RERE: variants seen among roughly 807,000 people sequenced by gnomAD.
RERE encodes the protein arginine-glutamic acid dipeptide repeats.
Under a neutral mutation model 146.1 loss-of-function variants are expected in RERE, and 40 were observed. The observed-to-expected ratio is 0.27, with a 90% CI of 0.21 to 0.36. RERE has a LOEUF of 0.36. Ranked by LOEUF, RERE falls within the 10% of genes least tolerant of loss-of-function variation. The pLI, the probability that RERE is intolerant of heterozygous loss-of-function variation, is 1.00. For synonymous variants in RERE, 1,003 were observed against 866.0 expected (o/e 1.16, Z -2.78); for missense variants, 1,933 against 2,138.7 (o/e 0.90, Z 1.90).
chr1:8,746,362 C>T (rs1038062794), intron 1 of RERE, among the ~76,000 whole-genome samples: 1 of 151,958 alleles, frequency 6.6e-6, no homozygotes, highest in African/African-American at 2.4e-5. Flanking sequence ...GGTTGCTCAC[C>T]ATACTAAATC....
intron 1 of RERE, among the ~76,000 whole-genome samples, chr1:8,659,233 T>C (rs1638399773): frequency 6.6e-6 from 1 of 152,218 alleles, no homozygotes; most frequent in Non-Finnish European, 1.5e-5. Context: ...GTCTTAAGTT[T>C]AGAGCATGAA....
At chr1:8,784,415 C>G (rs930183536) in intron 1 of RERE, among the ~76,000 whole-genome samples, 1 of 152,144 alleles carries the variant, frequency 6.6e-6, no homozygotes, top group Non-Finnish European at 1.5e-5. Context: ...CCATTGGATT[C>G]CATAGAATAT....
At position 8,467,707 on chromosome 1, in the gene RERE, C is replaced by T. The variant is rs187849307; in HGVS notation, c.1105-1684G>A. Among the ~76,000 whole-genome samples the T allele has an allele frequency of 7.7e-3, 1,167 of 152,056 alleles. 61 individuals are homozygous for T. The highest frequency in any genetic ancestry group is 0.07 in the Admixed American group (1,068 of 15,276). The stretch of plus-strand genomic sequence containing the variant: ...TTGCCCAGGCTGGAGTGCAGTGGCG[C>T]GATCACGGCTCACTGCAAACTCTGC... On this transcript the variant is annotated intron_variant, in intron 10 of 22. Coordinates refer to ENST00000400908, the MANE Select transcript of RERE (RefSeq NM_001042681.2).
chr1:8,416,342 T>G (rs529205675), intron 12 of RERE, among the ~76,000 whole-genome samples: 3 of 152,070 alleles, frequency 2.0e-5, no homozygotes, highest in Non-Finnish European at 4.4e-5. Context: ...TCCCAGCACT[T>G]TGGGAGGCCA....
At chr1:8,589,969 C>A (rs1239623934) in intron 4 of RERE, among the ~76,000 whole-genome samples, 1 of 152,168 alleles carries the variant, frequency 6.6e-6, no homozygotes, top group Non-Finnish European at 1.5e-5. Context: ...TGTGGTACAG[C>A]CCTCTGTGTG....
chr1:8,749,652 T>A (rs1333572837), intron 1 of RERE, among the ~76,000 whole-genome samples: 1 of 152,184 alleles, frequency 6.6e-6, no homozygotes, highest in African/African-American at 2.4e-5. Flanking sequence ...AGGAGGCCAT[T>A]GTGACTGATG....
At chr1:8,741,480 GA>G (rs1313453349) in intron 1 of RERE, among the ~76,000 whole-genome samples, 2 of 152,202 alleles carry the variant, frequency 1.3e-5, no homozygotes, top group Admixed American at 6.5e-5. Flanking sequence ...AGACCAGGTG[GA>G]GGTAACTGAA....
At chr1:8,490,281 T>C (rs1364178811) in intron 10 of RERE, among the ~76,000 whole-genome samples, 1 of 138,146 alleles carries the variant, frequency 7.2e-6, no homozygotes, top group Non-Finnish European at 1.5e-5. Context: ...TGCTTAAACC[T>C]GGGAGGAGGA....
At chr1:8,597,498 AG>A (rs1190001751) in intron 4 of RERE, among the ~76,000 whole-genome samples, 8 of 152,334 alleles carry the variant, frequency 5.3e-5, no homozygotes, top group Admixed American at 3.3e-4. Context: ...GCCAATGAGA[AG>A]GAAAAAATAT....
At chr1:8,745,110 C>A (rs1159089793) in intron 1 of RERE, among the ~76,000 whole-genome samples, 2 of 152,178 alleles carry the variant, frequency 1.3e-5, no homozygotes, top group African/African-American at 4.8e-5. Context: ...TTGTAATCCT[C>A]ATAATCCCCA....
At chr1:8,673,991 C>T (rs1182095394) in intron 1 of RERE, among the ~76,000 whole-genome samples, 2 of 152,080 alleles carry the variant, frequency 1.3e-5, no homozygotes, top group African/African-American at 4.8e-5. Flanking sequence ...CATAATTGCA[C>T]CACTGCACTC....
intron 11 of RERE, among the ~76,000 whole-genome samples, chr1:8,433,553 C>CT (rs35096712): frequency 0.041 from 5,293 of 130,166 alleles, 313 homozygotes; most frequent in African/African-American, 0.11. Context: ...CCATTCATTT[C>CT]TTTTTTTTTT....
rs549086430 is a variant in RERE at position 8,387,211 on chromosome 1, A to G, written c.1285-21237T>C. Among the ~76,000 whole-genome samples the G allele has an allele frequency of 2.0e-5, 3 of 152,360 alleles. No individual in the cohort carries two copies. The East Asian group carries it at 5.8e-4, about 29-fold the overall frequency. ...CACTTTGACATAGCTGGCAACACAA[A>G]TCAGTGGAGAAAAGGCTGGACTTCT... On this transcript the variant is annotated intron_variant, in intron 12 of 22. Transcript: ENST00000400908.
intron 12 of RERE, among the ~76,000 whole-genome samples, chr1:8,404,698 G>A (rs991201116): frequency 3.3e-5 from 5 of 152,180 alleles, no homozygotes; most frequent in African/African-American, 1.2e-4. Context: ...GAGTCCTTGG[G>A]CAATCAAAAA....
intron 12 of RERE, among the ~76,000 whole-genome samples, chr1:8,376,071 T>C (rs17380831): frequency 0.032 from 4,913 of 152,316 alleles, 110 homozygotes; most frequent in African/African-American, 0.051. Context: ...TCAGTTTCAA[T>C]GAAGTCTAAC....
At chr1:8,708,157 C>T (rs1394678990) in intron 1 of RERE, among the ~76,000 whole-genome samples, 1 of 151,998 alleles carries the variant, frequency 6.6e-6, no homozygotes, top group Non-Finnish European at 1.5e-5. Flanking sequence ...GCTCTTTGTC[C>T]GCATCCAAAT....
intron 7 of RERE, among the ~76,000 whole-genome samples, chr1:8,512,338 A>T (rs1205063359): frequency 6.6e-6 from 1 of 151,346 alleles, no homozygotes; most frequent in Non-Finnish European, 1.5e-5. Flanking sequence ...CGGCCAGGAA[A>T]CACTCTTAAT....
At chr1:8,531,418 G>A (rs1010970659) in intron 7 of RERE, among the ~76,000 whole-genome samples, 1 of 151,552 alleles carries the variant, frequency 6.6e-6, no homozygotes, top group Non-Finnish European at 1.5e-5. Flanking sequence ...ACTCCAGCCT[G>A]GGCAACAGAG....
chr1:8,712,571 A>G (rs533946303), intron 1 of RERE, among the ~76,000 whole-genome samples: 2 of 152,322 alleles, frequency 1.3e-5, no homozygotes, highest in East Asian at 3.9e-4. Flanking sequence ...ATCTCTCCAG[A>G]ATAGGGCAGG....
Sources: allele counts gnomAD v4.1 joint callset (sites outside exome capture counted in the v4.1 genomes callset), GRCh38; gene constraint gnomAD v4.1.1; transcripts MANE v1.5; gene names NCBI Gene and HGNC (gene_info 2026-07-23, HGNC 2026-07-21).